ERG: variants seen among roughly 807,000 people sequenced by gnomAD.
The protein encoded by ERG is transcriptional regulator ERG.
Under a neutral mutation model 55.3 loss-of-function variants are expected in ERG, and 9 were observed. The ratio of observed to expected loss-of-function variants is 0.16; its 90% CI spans 0.10 to 0.28. The LOEUF is 0.28. Ranked by LOEUF, ERG falls within the 10% of genes least tolerant of loss-of-function variation. The pLI is 1.00. For missense variants in ERG, 434 were observed against 631.6 expected, an observed-to-expected ratio of 0.69 and a Z score of 3.35; for synonymous variants, 223 against 237.3, an observed-to-expected ratio of 0.94 and a Z score of 0.55.
At chr21:38,602,859 G>GA (rs772299612) in intron 1 of ERG, among the ~76,000 whole-genome samples, 35 of 150,060 alleles carry the variant, frequency 2.3e-4, no homozygotes, top group Non-Finnish European at 3.5e-4. Flanking sequence ...GAGTCCTCAA[G>GA]AAAAAAACGA....
At chr21:38,641,507 C>G (rs1208818798) in intron 1 of ERG, among the ~76,000 whole-genome samples, 1 of 152,176 alleles carries the variant, frequency 6.6e-6, no homozygotes, top group Non-Finnish European at 1.5e-5. Context: ...TGCATCTGCC[C>G]CTTCCCACCA....
chr21:38,487,118 CTCT>C (rs2059292815), intron 1 of ERG, among the ~76,000 whole-genome samples: 1 of 112,748 alleles, frequency 8.9e-6, no homozygotes, highest in African/African-American at 3.5e-5. Flanking sequence ...GCCCTCACTC[CTCT>C]TTTTTTTTTT....
At chr21:38,574,234 T>A (rs1266317029) in intron 2 of ERG, among the ~76,000 whole-genome samples, 1 of 152,210 alleles carries the variant, frequency 6.6e-6, no homozygotes, top group Non-Finnish European at 1.5e-5. Flanking sequence ...TTTCTCCCAC[T>A]TTACTTGTGT....
At chr21:38,488,561 A>G (rs922253970) in intron 1 of ERG, among the ~76,000 whole-genome samples, 15 of 152,214 alleles carry the variant, frequency 9.9e-5, no homozygotes, top group Non-Finnish European at 2.2e-4. Flanking sequence ...CAAAGGGCCT[A>G]AACAATGCAT....
At chr21:38,433,475 A>G (rs1331604033) in intron 2 of ERG, among the ~76,000 whole-genome samples, 7 of 152,232 alleles carry the variant, frequency 4.6e-5, no homozygotes, top group Non-Finnish European at 7.3e-5. Context: ...GAAAAAACAT[A>G]CTGAGAAATG....
intron 1 of ERG, among the ~76,000 whole-genome samples, chr21:38,599,963 G>A (rs1045655096): frequency 6.6e-6 from 1 of 152,242 alleles, no homozygotes; most frequent in African/African-American, 2.4e-5. Context: ...ATGGAAATAG[G>A]ATAGTGTCAA....
At chr21:38,564,217 C>A (rs1221514395) in intron 2 of ERG, among the ~76,000 whole-genome samples, 1 of 151,732 alleles carries the variant, frequency 6.6e-6, no homozygotes, top group East Asian at 1.9e-4. Context: ...GTGGGTTTTA[C>A]GATAAGATGT....
chr21:38,514,578 G>A (rs934010440), intron 2 of ERG, among the ~76,000 whole-genome samples: 1 of 151,812 alleles, frequency 6.6e-6, no homozygotes, highest in Non-Finnish European at 1.5e-5. Context: ...GAAATAAAGA[G>A]GAAGTTTATA....
chr21:38,381,069 T>A lies in ERG; in HGVS notation c.*2334A>T, dbSNP rs376067638. ...CAGGCTGCTGCAAAATGATGGATGG[T>A]TGGGCTCCGTCTAATCCAAATGACA... is the stretch of plus-strand genomic sequence containing the variant. On this transcript the variant is annotated 3_prime_UTR_variant, in exon 10 of 10. Transcript: ENST00000288319. The A allele has an allele frequency of 2.3e-5, 25 of 1,064,818 alleles. No homozygotes were observed. The highest frequency in any genetic ancestry group is 2.1e-4 in the African/African-American group (13 of 61,158). The allele number at this position is 1,064,818 out of a possible 1,614,324, so 66.0% of individuals were successfully genotyped here. A position where few individuals can be genotyped will look rare whatever the true frequency, so the allele number is the denominator to read the frequency against.
chr21:38,538,977 T>C (rs1391887951), intron 2 of ERG, among the ~76,000 whole-genome samples: 1 of 152,170 alleles, frequency 6.6e-6, no homozygotes, highest in East Asian at 1.9e-4. Flanking sequence ...GTTAAGCCAT[T>C]CCTGGGCAGG....
intron 1 of ERG, among the ~76,000 whole-genome samples, chr21:38,603,725 G>T (rs1300521406): frequency 6.6e-6 from 1 of 152,010 alleles, no homozygotes; most frequent in Non-Finnish European, 1.5e-5. Flanking sequence ...CCCCCGATAA[G>T]GTTTTCAATC....
intron 1 of ERG, among the ~76,000 whole-genome samples, chr21:38,625,649 G>T (rs953714809): frequency 6.6e-6 from 1 of 152,134 alleles, no homozygotes; most frequent in Non-Finnish European, 1.5e-5. Flanking sequence ...GCCTGGTGCT[G>T]CTTCCAGGAA....
intron 2 of ERG, among the ~76,000 whole-genome samples, chr21:38,509,965 A>C (rs1343371965): frequency 6.6e-6 from 1 of 152,174 alleles, no homozygotes; most frequent in Admixed American, 6.5e-5. Context: ...TTTTGACTCT[A>C]ATGAGAGCCA....
intron 2 of ERG, among the ~76,000 whole-genome samples, chr21:38,526,446 A>C (rs956967608): frequency 4.4e-4 from 67 of 152,324 alleles, no homozygotes; most frequent in African/African-American, 1.6e-3. Flanking sequence ...ACTATATTGT[A>C]GTCTACACTA....
At chr21:38,411,048 C>A (rs536216322) in intron 3 of ERG, among the ~76,000 whole-genome samples, 4 of 152,130 alleles carry the variant, frequency 2.6e-5, no homozygotes, top group African/African-American at 4.8e-5. Context: ...CATAAGCCTG[C>A]AAAAATAAGA....
chr21:38,453,629 T>A (rs1569111336), intron 1 of ERG, among the ~76,000 whole-genome samples: 1 of 152,192 alleles, frequency 6.6e-6, no homozygotes, highest in Non-Finnish European at 1.5e-5. Context: ...ACTCCAGTAA[T>A]CCCAGCATTT....
intron 2 of ERG, among the ~76,000 whole-genome samples, chr21:38,549,836 G>A (rs977224244): frequency 1.3e-5 from 2 of 152,150 alleles, no homozygotes; most frequent in Non-Finnish European, 2.9e-5. Flanking sequence ...AGAGTGAGGG[G>A]AAGCGAGTGA....
chr21:38,462,674 T>C (rs1317576316), intron 1 of ERG, among the ~76,000 whole-genome samples: 1 of 152,144 alleles, frequency 6.6e-6, no homozygotes, highest in Non-Finnish European at 1.5e-5. Flanking sequence ...TATGTTAAAT[T>C]TGGAATTTAT....
At chr21:38,659,096 A>T (rs1244988788) in intron 1 of ERG, among the ~76,000 whole-genome samples, 1 of 152,252 alleles carries the variant, frequency 6.6e-6, no homozygotes, top group Non-Finnish European at 1.5e-5. Flanking sequence ...TATATTCCTT[A>T]ACAAATATCT....
Sources: gnomAD v4.1 joint callset for allele counts (sites outside exome capture counted in the v4.1 genomes callset) on GRCh38, gnomAD v4.1.1 for gene constraint, MANE v1.5 for transcripts, NCBI Gene and HGNC (gene_info 2026-07-23, HGNC 2026-07-21) for gene names.